The following TRIO variants were observed in gnomAD, a reference collection of about 807,000 sequenced individuals.
The protein encoded by TRIO is triple functional domain protein.
Under a neutral mutation model 351.9 loss-of-function variants are expected in TRIO, and 58 were observed. The ratio of observed to expected loss-of-function variants is 0.16; its 90% confidence interval spans 0.13 to 0.21. TRIO has a LOEUF of 0.21. TRIO is among the 10% of genes least tolerant of loss of function. TRIO has a pLI of 1.00. For synonymous variants in TRIO, 1,758 were observed against 1,595.7 expected, an observed-to-expected ratio of 1.10 and a Z score of -2.42; for missense variants, 3,201 against 4,027.8, an observed-to-expected ratio of 0.79 and a Z score of 5.56.
At chr5:14,437,691 CCCCG>C in intron 34 of TRIO, among the ~76,000 whole-genome samples, 3 of 137,856 alleles carry the variant, frequency 2.2e-5, no homozygotes, top group South Asian at 2.3e-4. Flanking sequence ...GGACCACCCC[CCCCG>C]CCCCAAGGAC....
chr5:14,446,292 G>A (rs1752435530), intron 34 of TRIO, among the ~76,000 whole-genome samples: 1 of 152,190 alleles, frequency 6.6e-6, no homozygotes, highest in Non-Finnish European at 1.5e-5. Flanking sequence ...CAGCACTGGA[G>A]AGACAGCGTT....
At chr5:14,241,413 A>G (rs1794121958) in intron 1 of TRIO, among the ~76,000 whole-genome samples, 1 of 152,220 alleles carries the variant, frequency 6.6e-6, no homozygotes, top group Non-Finnish European at 1.5e-5. Context: ...TACAATTTGT[A>G]CATAGTAAAG....
At chr5:14,262,492 G>A (rs974964089) in intron 1 of TRIO, among the ~76,000 whole-genome samples, 1 of 152,150 alleles carries the variant, frequency 6.6e-6, no homozygotes, top group South Asian at 2.1e-4. Flanking sequence ...CGGGCACCAA[G>A]AAACCATTGA....
In TRIO at chr5:14,509,018, G is replaced by A. The variant is rs1288330465; in HGVS notation, c.*596G>A. ...AAATGTAGGCCTTACTTGTATATAA[G>A]ACTGTTCCTGCCTTCGGTCTGTCAT... On this transcript the variant is annotated 3_prime_UTR_variant, in exon 57 of 57. Coordinates refer to ENST00000344204, the MANE Select transcript of TRIO (RefSeq NM_007118.4). 5.4e-6 allele frequency: 1 copy of A among 185,360 alleles called. No homozygotes were observed. Among genetic ancestry groups the A allele is most frequent in the Non-Finnish European group, 1.1e-5 (1 of 88,778 alleles). The allele number at this position is 185,360 out of a possible 1,614,324, so 11.5% of individuals were successfully genotyped here.
intron 7 of TRIO, 148 bp from the exon 8 acceptor site, chr5:14,304,313 T>G (rs1042623967): frequency 1.3e-6 from 1 of 769,292 alleles, no homozygotes; most frequent in Admixed American, 3.0e-5. Flanking sequence ...TCATGTGAGT[T>G]GAGGATGCCA....
At chr5:14,163,279 T>G (rs1788581695) in intron 1 of TRIO, among the ~76,000 whole-genome samples, 1 of 152,252 alleles carries the variant, frequency 6.6e-6, no homozygotes, top group Non-Finnish European at 1.5e-5. Context: ...TGTTTGGTTT[T>G]CTGTTCCTGT....
At chr5:14,337,387 C>T (rs938059191) in intron 11 of TRIO, among the ~76,000 whole-genome samples, 1 of 152,142 alleles carries the variant, frequency 6.6e-6, no homozygotes, top group Non-Finnish European at 1.5e-5. Context: ...AGTTCATATT[C>T]AGGGTGACTA....
intron 34 of TRIO, among the ~76,000 whole-genome samples, chr5:14,455,730 C>T (rs554730576): frequency 1.9e-4 from 29 of 152,088 alleles, no homozygotes; most frequent in Non-Finnish European, 4.0e-4. Context: ...TCCATGAACC[C>T]TGAGCTAGAC....
intron 1 of TRIO, among the ~76,000 whole-genome samples, chr5:14,182,735 T>C (rs964794989): frequency 6.6e-6 from 1 of 152,202 alleles, no homozygotes. Context: ...CCTTTAAGAA[T>C]TCCCTTAATT....
chr5:14,228,308 A>C (rs546320623), intron 1 of TRIO, among the ~76,000 whole-genome samples: 4 of 152,198 alleles, frequency 2.6e-5, no homozygotes, highest in Non-Finnish European at 5.9e-5. Context: ...ACAAAGAAAA[A>C]ACCATCCAGA....
At chr5:14,501,774 G>A (rs910981888) in intron 53 of TRIO, among the ~76,000 whole-genome samples, 1 of 152,212 alleles carries the variant, frequency 6.6e-6, no homozygotes, top group Non-Finnish European at 1.5e-5. Context: ...TGAGCGGGCC[G>A]AAAGAGGGGA....
intron 48 of TRIO, chr5:14,488,986 C>G (rs552978005): frequency 2.6e-6 from 2 of 764,854 alleles, no homozygotes; most frequent in Admixed American, 3.4e-5. Context: ...GGTTTTCCCT[C>G]TGTTTCCTGC....
At chr5:14,466,220 C>T (rs1754252963) in intron 37 of TRIO, 1 of 157,910 alleles carries the variant, frequency 6.3e-6, no homozygotes, top group South Asian at 1.9e-4. Flanking sequence ...GCAAACCTCA[C>T]TGCACATACC....
chr5:14,431,865 T>G (rs1294917748), intron 34 of TRIO, among the ~76,000 whole-genome samples: 1 of 152,212 alleles, frequency 6.6e-6, no homozygotes, highest in East Asian at 1.9e-4. Context: ...CTCTTGCTGA[T>G]TCTCCATATA....
intron 1 of TRIO, among the ~76,000 whole-genome samples, chr5:14,146,620 A>T (rs915988876): frequency 6.6e-6 from 1 of 152,230 alleles, no homozygotes; most frequent in Non-Finnish European, 1.5e-5. Context: ...TTTCTCCATT[A>T]CTGGAAGTGC....
chr5:14,212,827 G>T (rs550241241), intron 1 of TRIO, among the ~76,000 whole-genome samples: 1 of 152,170 alleles, frequency 6.6e-6, no homozygotes, highest in East Asian at 1.9e-4. Context: ...TGAGAAAGTG[G>T]TTCTCATGAC....
intron 34 of TRIO, among the ~76,000 whole-genome samples, chr5:14,426,056 C>G (rs1750612662): frequency 1.3e-5 from 2 of 152,204 alleles, no homozygotes; most frequent in African/African-American, 4.8e-5. Flanking sequence ...TACCGTTACT[C>G]TTATCACCTG....
intron 1 of TRIO, among the ~76,000 whole-genome samples, chr5:14,157,777 G>A (rs1270722628): frequency 3.3e-5 from 5 of 151,974 alleles, no homozygotes; most frequent in African/African-American, 9.7e-5. Flanking sequence ...TTGTAGAGAT[G>A]GGGTTTCGCC....
At position 14,368,722 on chromosome 5, in the gene TRIO, C is replaced by T. The variant is rs10064745; in HGVS notation, c.2889C>T (p.Ser963=). The part of the protein sequence containing the change: ...FQHAIEKTHQ[S]ALQVQQKAEA... ...TCTGTCTCTAGAAAACACATCAGAG[C>T]GCGCTGCAGGTGCAGCAGAAGGCAG... Residue 963 remains serine (S), a synonymous_variant, in exon 17 of 57, where the codon AGC becomes AGT. Coordinates refer to ENST00000344204, the MANE Select transcript of TRIO (RefSeq NM_007118.4). 583 of 1,613,600 alleles carry T rather than the reference C, an allele frequency of 3.6e-4. 5 individuals are homozygous for T. The African/African-American group carries it at 4.0e-3, about 11-fold the overall frequency.
Sources: gnomAD v4.1 joint callset for allele counts (sites outside exome capture counted in the v4.1 genomes callset) on GRCh38, gnomAD v4.1.1 for gene constraint, MANE v1.5 for transcripts, NCBI Gene and HGNC (gene_info 2026-07-23, HGNC 2026-07-21) for gene names.